The following VTI1A variants were observed in gnomAD, a reference collection of about 807,000 sequenced individuals.
VTI1A encodes vesicle transport through interaction with t-SNAREs 1A, also known as vesicle transport through interaction with t-SNAREs homolog 1A.
Under a neutral mutation model 34.9 loss-of-function variants are expected in VTI1A, and 22 were observed. The ratio of observed to expected loss-of-function variants is 0.63; its 90% CI spans 0.45 to 0.90. VTI1A has a LOEUF of 0.90. VTI1A is among the 40% of genes least tolerant of loss of function. The pLI is 0.00. For synonymous variants in VTI1A, 87 were observed against 97.3 expected, an observed-to-expected ratio of 0.89 and a Z score of 0.62; for missense variants, 268 against 275.6, an observed-to-expected ratio of 0.97 and a Z score of 0.20.
At chr10:112,464,477 C>T in intron 2 of VTI1A, 70 bp from the exon 3 acceptor site, 1 of 1,374,238 alleles carries the variant, frequency 7.3e-7, no homozygotes, top group Non-Finnish European at 1.0e-6. Flanking sequence ...TAGATCCTTT[C>T]AGCCGTAAAC....
At chr10:112,597,135 G>T (rs1589954303) in intron 5 of VTI1A, among the ~76,000 whole-genome samples, 1 of 152,188 alleles carries the variant, frequency 6.6e-6, no homozygotes, top group East Asian at 1.9e-4. Flanking sequence ...GAATCAAACA[G>T]ATCTGGGGAG....
chr10:112,837,128 C>T, the VTI1A span, among the ~76,000 whole-genome samples: 1 of 152,198 alleles, frequency 6.6e-6, no homozygotes, highest in African/African-American at 2.4e-5. Flanking sequence ...CGAGACCAGC[C>T]TGGCCAACAT....
At chr10:112,812,385 T>G (rs575001926) in intron 7 of VTI1A, among the ~76,000 whole-genome samples, 2 of 152,354 alleles carry the variant, frequency 1.3e-5, no homozygotes, top group East Asian at 3.9e-4. Flanking sequence ...TCTCACTAGC[T>G]GGGAACCCCT....
At chr10:112,749,033 A>G (rs1465789428) in intron 7 of VTI1A, among the ~76,000 whole-genome samples, 2 of 152,250 alleles carry the variant, frequency 1.3e-5, no homozygotes, top group East Asian at 3.8e-4. Flanking sequence ...TGACCCAATG[A>G]GTAAAACCAA....
At chr10:112,696,934 G>A (rs1848810237) in intron 7 of VTI1A, among the ~76,000 whole-genome samples, 1 of 152,186 alleles carries the variant, frequency 6.6e-6, no homozygotes. Flanking sequence ...AGCTTTAATT[G>A]TGTGTTTTCC....
chr10:112,769,231 C>T (rs1851732336), intron 7 of VTI1A, among the ~76,000 whole-genome samples: 1 of 152,198 alleles, frequency 6.6e-6, no homozygotes, highest in African/African-American at 2.4e-5. Flanking sequence ...CTTCAGAACA[C>T]AGACAGCAGG....
At chr10:112,830,209 G>T in the VTI1A span, among the ~76,000 whole-genome samples, 1 of 152,088 alleles carries the variant, frequency 6.6e-6, no homozygotes, top group Non-Finnish European at 1.5e-5. Flanking sequence ...TGGTTCAAAA[G>T]CCTCTGACTT....
At chr10:112,542,121 ATTC>A (rs1343617746) in intron 5 of VTI1A, among the ~76,000 whole-genome samples, 5 of 152,312 alleles carry the variant, frequency 3.3e-5, no homozygotes, top group South Asian at 4.1e-4. Flanking sequence ...TGAAATGATG[ATTC>A]TTCTTTTCTC....
intron 5 of VTI1A, chr10:112,548,888 T>A (rs1851238968): frequency 7.8e-7 from 1 of 1,278,982 alleles, no homozygotes; most frequent in South Asian, 1.3e-5. Flanking sequence ...TTTTAAAAAA[T>A]CATTTTAGAA....
intron 7 of VTI1A, chr10:112,736,762 C>G: frequency 1.3e-6 from 2 of 1,544,642 alleles, no homozygotes; most frequent in Non-Finnish European, 1.8e-6. Context: ...TGTCTCTGGC[C>G]CCAAAGGCTT....
chr10:112,766,760 T>C (rs1851660901), intron 7 of VTI1A, among the ~76,000 whole-genome samples: 1 of 152,338 alleles, frequency 6.6e-6, no homozygotes, highest in South Asian at 2.1e-4. Context: ...ATAAACCTTT[T>C]CCTTAGTTAG....
chr10:112,710,560 A>T (rs1042694447), intron 7 of VTI1A, among the ~76,000 whole-genome samples: 16 of 152,190 alleles, frequency 1.1e-4, no homozygotes, highest in Non-Finnish European at 4.4e-5. Flanking sequence ...ATAATTATAG[A>T]AATTGCAGAA....
chr10:112,611,406 T>G (rs1262475409), intron 5 of VTI1A, among the ~76,000 whole-genome samples: 1 of 152,226 alleles, frequency 6.6e-6, no homozygotes, highest in Non-Finnish European at 1.5e-5. Context: ...TTGTCCATGC[T>G]TCCAATACGG....
chr10:112,477,090 A>T (rs1443347397), intron 3 of VTI1A, among the ~76,000 whole-genome samples: 2 of 152,196 alleles, frequency 1.3e-5, no homozygotes, highest in African/African-American at 4.8e-5. Context: ...GACTTTTCTG[A>T]TGATTTCAAG....
At chr10:112,599,441 T>C (rs1270634787) in intron 5 of VTI1A, among the ~76,000 whole-genome samples, 1 of 152,142 alleles carries the variant, frequency 6.6e-6, no homozygotes, top group Non-Finnish European at 1.5e-5. Context: ...GGCGTATGCA[T>C]GTGAGAAGTT....
intron 7 of VTI1A, among the ~76,000 whole-genome samples, chr10:112,800,078 A>G: frequency 6.6e-6 from 1 of 152,246 alleles, no homozygotes; most frequent in Non-Finnish European, 1.5e-5. Context: ...TCCTGACATC[A>G]GGAAAGAAAA....
At chr10:112,453,913 C>T (rs1849389706) in intron 1 of VTI1A, among the ~76,000 whole-genome samples, 1 of 152,140 alleles carries the variant, frequency 6.6e-6, no homozygotes, top group Admixed American at 6.5e-5. Flanking sequence ...TATACTAAGC[C>T]ATGTATATGA....
At chr10:112,533,223 A>G (rs1021614840) in intron 4 of VTI1A, among the ~76,000 whole-genome samples, 5 of 152,042 alleles carry the variant, frequency 3.3e-5, no homozygotes, top group Non-Finnish European at 7.4e-5. Flanking sequence ...CTTTCTTTAT[A>G]ATATAGACTT....
chr10:112,845,710 C>T, the VTI1A span, among the ~76,000 whole-genome samples: 1 of 152,092 alleles, frequency 6.6e-6, no homozygotes, highest in African/African-American at 2.4e-5. Flanking sequence ...CAAGGTGGAG[C>T]TGATGACCAA....
Sources: gnomAD v4.1 joint callset for allele counts (sites outside exome capture counted in the v4.1 genomes callset) on GRCh38, gnomAD v4.1.1 for gene constraint, MANE v1.5 for transcripts, NCBI Gene and HGNC (gene_info 2026-07-23, HGNC 2026-07-21) for gene names.